FANCA: variants seen among roughly 807,000 people sequenced by gnomAD.
The protein encoded by FANCA is Fanconi anemia group A protein.
FANCA carries 236 observed loss-of-function variants against 194.3 expected under a neutral mutation model. The ratio of observed to expected loss-of-function variants is 1.21; its 90% CI spans 1.09 to 1.35. The LOEUF (loss-of-function observed/expected upper bound fraction) is 1.35. FANCA is among the 40% of genes most tolerant of loss of function. The pLI, the probability that FANCA is intolerant of heterozygous loss-of-function variation, is 0.00. For synonymous variants in FANCA, 1,014 were observed against 715.8 expected (o/e 1.42, Z -6.65); for missense variants, 2,628 against 1,813.9 (o/e 1.45, Z -8.15).
chr16:89,816,490 C>G (rs1351728383), intron 1 of FANCA, 47 bp downstream of exon 1: 3 of 1,448,302 alleles, frequency 2.1e-6, no homozygotes, highest in South Asian at 1.3e-5. Context: ...GCGAAACCGT[C>G]CCGGGCCGGA....
At chr16:89,793,470 T>C (rs1332340178) in intron 11 of FANCA, among the ~76,000 whole-genome samples, 1 of 152,204 alleles carries the variant, frequency 6.6e-6, no homozygotes, top group East Asian at 1.9e-4. Flanking sequence ...AACTAATGAT[T>C]AATGATATTC....
intron 38 of FANCA, 198 bp from the exon 39 acceptor site, chr16:89,740,297 G>A (rs1390069023): frequency 1.7e-6 from 1 of 603,652 alleles, no homozygotes; most frequent in African/African-American, 1.9e-5. Context: ...GGGACTTCGA[G>A]CACCCACACC....
chr16:89,811,050 G>C lies in FANCA; in HGVS notation c.305C>G (p.Ala102Gly). 1.2e-6 allele frequency: 2 copies of C among 1,613,984 alleles called. No individual in the cohort carries two copies. The highest frequency in any genetic ancestry group is 8.5e-7 in the Non-Finnish European group (1 of 1,180,018). Reference protein sequence around the residue: ...SFIGSALQDQASRLGVPVGIL... With the variant: ...SFIGSALQDQGSRLGVPVGIL... ...ACCCACGGGAACCCCCAGCCTTGAGGCTTGATCCTGCAAAGCAGAGCCTTA... is the reference window on the plus strand; with the variant it reads ...ACCCACGGGAACCCCCAGCCTTGAGCCTTGATCCTGCAAAGCAGAGCCTTA... Residue 102 changes from alanine (A) to glycine (G), a missense_variant, in exon 4 of 43, where the codon GCC (alanine) becomes GGC (glycine). Coordinates refer to ENST00000389301, the MANE Select transcript of FANCA (RefSeq NM_000135.4).
At chr16:89,764,745 C>G in intron 28 of FANCA, 145 bp downstream of exon 28, 1 of 974,488 alleles carries the variant, frequency 1.0e-6, no homozygotes, top group Non-Finnish European at 1.7e-6. Context: ...AGGAGACAGT[C>G]GGCACACACA....
chr16:89,745,157 CCTACAGGCCA>C (rs1598067761), intron 35 of FANCA, 86 bp from the exon 36 acceptor site: 3 of 1,294,802 alleles, frequency 2.3e-6, no homozygotes, highest in East Asian at 2.5e-5. Context: ...CCCCAGTGCT[CCTACAGGCCA>C]CTACAGGCCC....
intron 30 of FANCA, among the ~76,000 whole-genome samples, chr16:89,755,838 C>A (rs1598087220): frequency 6.6e-6 from 1 of 152,008 alleles, no homozygotes; most frequent in Admixed American, 6.6e-5. Flanking sequence ...GCCCCCCGCA[C>A]ACCTAGGCCA....
In FANCA at chr16:89,765,046, T is replaced by C. The variant is rs1441752228; in HGVS notation, c.2622A>G (p.Arg874=). 3.7e-6 allele frequency: 6 copies of C among 1,614,022 alleles called. No individual in the cohort carries two copies. The African/African-American group carries it at 6.7e-5, about 18-fold the overall frequency. Residue 874 remains arginine, a synonymous_variant, in exon 28 of 43, where the codon AGA becomes AGG. Coordinates refer to ENST00000389301, the MANE Select transcript of FANCA (RefSeq NM_000135.4). The stretch of plus-strand genomic sequence containing the variant: ...GAGGCTGTCGGGCCTCTGAGAACAA[T>C]CTGAACATGAGGAACTGAAACTGAA... ...LIKKFQFLMF[R]LFSEARQPLS...
chr16:89,798,116 G>A (rs2040310688), intron 10 of FANCA, among the ~76,000 whole-genome samples: 1 of 152,096 alleles, frequency 6.6e-6, no homozygotes, highest in African/African-American at 2.4e-5. Context: ...AGGTGATGAT[G>A]AGATGACTGC....
chr16:89,779,742 G>A, intron 18 of FANCA, 127 bp downstream of exon 18: 1 of 805,564 alleles, frequency 1.2e-6, no homozygotes, highest in Non-Finnish European at 2.1e-6. Context: ...CCCAGACGCT[G>A]GCAGGCATCA....
At chr16:89,786,346 G>A (rs539580145) in intron 14 of FANCA, among the ~76,000 whole-genome samples, 8 of 152,240 alleles carry the variant, frequency 5.3e-5, no homozygotes, top group Admixed American at 5.2e-4. Flanking sequence ...ACCATGCCTG[G>A]CTAATTTTGT....
At position 89,786,493 on chromosome 16, in the gene FANCA, T is replaced by G. The variant is rs910077403; in HGVS notation, c.1360-1529A>C. 2.0e-5 allele frequency among the ~76,000 whole-genome samples: 3 copies of G among 152,196 alleles called. No individual in the cohort carries two copies. In the East Asian group the frequency reaches 5.8e-4, roughly 29 times the overall value. ...CGTCTGACCTAGCTAATTTTTGTCT[T>G]TTTAGTAGAGATGAGGTTTTGCCAT... On this transcript the variant is annotated intron_variant, in intron 14 of 42. Transcript: ENST00000389301.
intron 37 of FANCA, 38 bp downstream of exon 37, chr16:89,742,762 G>C: frequency 1.2e-6 from 2 of 1,606,832 alleles, no homozygotes; most frequent in South Asian, 1.1e-5. Flanking sequence ...AACCAAGCTT[G>C]CGAGAAAATA....
chr16:89,784,043 A>T (rs532254876), intron 15 of FANCA, among the ~76,000 whole-genome samples: 20 of 152,064 alleles, frequency 1.3e-4, no homozygotes, highest in African/African-American at 4.8e-4. Context: ...TACAGGTGTG[A>T]GCCACCACGC....
intron 26 of FANCA, among the ~76,000 whole-genome samples, chr16:89,768,680 A>C (rs544468085): frequency 2.2e-4 from 33 of 151,166 alleles, no homozygotes; most frequent in Admixed American, 5.9e-4. Context: ...AAACCAAAAA[A>C]CAAAAAAAAA....
intron 30 of FANCA, among the ~76,000 whole-genome samples, chr16:89,753,967 T>C (rs983739480): frequency 6.6e-5 from 10 of 152,186 alleles, no homozygotes; most frequent in African/African-American, 2.2e-4. Context: ...GGCAGCAGAA[T>C]TGCCTGAACC....
In FANCA at chr16:89,738,447, C is replaced by A; in HGVS notation, c.*154G>T. 7.2e-7 allele frequency: 1 copy of A among 1,384,980 alleles called. No homozygotes were observed. Among genetic ancestry groups the A allele is most frequent in the Non-Finnish European group, 9.9e-7 (1 of 1,010,546 alleles). The allele number at this position is 1,384,980 out of a possible 1,614,324, so 85.8% of individuals were successfully genotyped here. ...ATTTTCCCGCAAACGCTGAGTGACTCGGGGCCGGACAGTTCATAAATAATT... is the reference window on the plus strand; with the variant it reads ...ATTTTCCCGCAAACGCTGAGTGACTAGGGGCCGGACAGTTCATAAATAATT... On this transcript the variant is annotated 3_prime_UTR_variant, in exon 43 of 43. Coordinates refer to ENST00000389301, the MANE Select transcript of FANCA (RefSeq NM_000135.4).
At position 89,785,225 on chromosome 16, in the gene FANCA, G is replaced by C. The variant is rs990193003; in HGVS notation, c.1360-261C>G. 2.6e-5 allele frequency among the ~76,000 whole-genome samples: 4 copies of C among 152,318 alleles called. No homozygotes were observed. In the East Asian group the frequency reaches 7.7e-4, roughly 29 times the overall value. On this transcript the variant is annotated intron_variant, in intron 14 of 42. Transcript: ENST00000389301. ...TGGTTCATACATTTACAGATGTCAC[G>C]ACTGCGCTTTGACTGAAGAGATATC...
rs753946025 is a variant in FANCA, at chr16:89,803,246, C to T, written c.792+13G>A. ...TCCTTCCGCTAAACTCTTCACTTGA[C>T]TTTTCCTCCTACCTGCGGCATTTTT... On this transcript the variant is annotated intron_variant, in intron 8 of 42. Coordinates refer to ENST00000389301, the MANE Select transcript of FANCA (RefSeq NM_000135.4). 35 of 1,613,488 alleles carry T rather than the reference C, an allele frequency of 2.2e-5. No individual in the cohort carries two copies. Among genetic ancestry groups the T allele is most frequent in the Non-Finnish European group, 2.7e-5 (32 of 1,179,372 alleles).
Position 89,770,152 on chromosome 16 carries a change from A to C in FANCA, c.2316+14T>G. 6.3e-7 allele frequency: 1 copy of C among 1,580,578 alleles called. No homozygotes were observed. The highest frequency in any genetic ancestry group is 2.3e-5 in the East Asian group (1 of 43,630). On this transcript the variant is annotated intron_variant, in intron 25 of 42. Coordinates refer to ENST00000389301, the MANE Select transcript of FANCA (RefSeq NM_000135.4). ...TGGGCCCCCAAGGGTGGCCCCCATG[A>C]AGGAGAGCCTCACCTGGTGACGGAG... is the stretch of plus-strand genomic sequence containing the variant.
Sources: allele counts gnomAD v4.1 joint callset (sites outside exome capture counted in the v4.1 genomes callset), GRCh38; gene constraint gnomAD v4.1.1; transcripts MANE v1.5; gene names NCBI Gene and HGNC (gene_info 2026-07-23, HGNC 2026-07-21).